Variants in AADACL4 observed in about 807,000 individuals in gnomAD.
The protein encoded by AADACL4 is arylacetamide deacetylase like 4.
In AADACL4, 9 loss-of-function variants were observed where a neutral mutation model predicts 14.1. That is an observed-to-expected ratio of 0.64 (90% confidence interval 0.39 to 1.12). The LOEUF is 1.12. AADACL4 is among the 50% of genes most tolerant of loss of function. The pLI is 0.01. For missense variants in AADACL4, 531 were observed against 516.1 expected, an observed-to-expected ratio of 1.03 and a Z score of -0.28; for synonymous variants, 188 against 201.6, an observed-to-expected ratio of 0.93 and a Z score of 0.57.
At chr1:12,663,578 C>A (rs1031385085) in intron 3 of AADACL4, among the ~76,000 whole-genome samples, 1 of 152,164 alleles carries the variant, frequency 6.6e-6, no homozygotes, top group East Asian at 1.9e-4. Flanking sequence ...GGGGGACACA[C>A]ACATTCAGTC....
At chr1:12,654,715 G>C (rs1314065642) in intron 2 of AADACL4, among the ~76,000 whole-genome samples, 1 of 152,230 alleles carries the variant, frequency 6.6e-6, no homozygotes, top group Non-Finnish European at 1.5e-5. Flanking sequence ...GGTTATGGCT[G>C]AAGGCAACCT....
rs764108264 is a variant in AADACL4 at position 12,661,887 on chromosome 1, A to C, written c.449+33A>C. ...TCTGGAGACAGCTGGTAGGTTCCACAGGGGTGAGAGGAGATAGGGTAAGTT... is the reference window on the plus strand; with the variant it reads ...TCTGGAGACAGCTGGTAGGTTCCACCGGGGTGAGAGGAGATAGGGTAAGTT... On this transcript the variant is annotated intron_variant, in intron 3 of 3. Coordinates refer to ENST00000376221, the MANE Select transcript of AADACL4 (RefSeq NM_001013630.2). The C allele has an allele frequency of 5.0e-6, 8 of 1,603,108 alleles. No homozygotes were observed. The South Asian group carries it at 5.5e-5, about 11-fold the overall frequency.
intron 3 of AADACL4, 109 bp from the exon 4 acceptor site, chr1:12,665,852 G>A (rs1203511466): frequency 8.3e-7 from 1 of 1,211,478 alleles, no homozygotes; most frequent in East Asian, 2.4e-5. Context: ...GGGTTATTCT[G>A]AGGATTTAAT....
At chr1:12,657,614 C>A (rs1399124596) in intron 2 of AADACL4, among the ~76,000 whole-genome samples, 1 of 152,164 alleles carries the variant, frequency 6.6e-6, no homozygotes, top group Non-Finnish European at 1.5e-5. Context: ...TCAAGAGAGA[C>A]ACGTGCGAGG....
At chr1:12,648,911 G>C (rs930151593) in intron 1 of AADACL4, among the ~76,000 whole-genome samples, 1 of 152,240 alleles carries the variant, frequency 6.6e-6, no homozygotes. Context: ...CCGGGGTAGC[G>C]CGATGCCTAT....
intron 2 of AADACL4, among the ~76,000 whole-genome samples, chr1:12,658,170 C>A (rs58077452): frequency 3.0e-5 from 3 of 100,896 alleles, no homozygotes; most frequent in African/African-American, 5.6e-5. Flanking sequence ...CTTTCTTTTT[C>A]TCTTTCTCTC....
chr1:12,655,487 T>C (rs1388538212), intron 2 of AADACL4, among the ~76,000 whole-genome samples: 1 of 151,560 alleles, frequency 6.6e-6, no homozygotes, highest in Non-Finnish European at 1.5e-5. Context: ...CAGTGGGCCT[T>C]CTGCTTGTAG....
At chr1:12,650,374 T>C (rs1161444578) in intron 1 of AADACL4, among the ~76,000 whole-genome samples, 1 of 152,200 alleles carries the variant, frequency 6.6e-6, no homozygotes, top group Non-Finnish European at 1.5e-5. Context: ...TTGCTCTTTT[T>C]CATTGAACAC....
At chr1:12,650,096 T>C (rs1422636521) in intron 1 of AADACL4, among the ~76,000 whole-genome samples, 1 of 152,258 alleles carries the variant, frequency 6.6e-6, no homozygotes. Context: ...TGTAAATGTC[T>C]GATAAGTATC....
intron 3 of AADACL4, among the ~76,000 whole-genome samples, chr1:12,662,185 G>C (rs989898989): frequency 9.2e-5 from 14 of 152,164 alleles, no homozygotes; most frequent in Non-Finnish European, 2.1e-4. Flanking sequence ...ATAAAACTAA[G>C]TGAAAAATGT....
intron 2 of AADACL4, 30 bp from the exon 3 acceptor site, chr1:12,661,761 G>T (rs766728790): frequency 6.2e-7 from 1 of 1,610,160 alleles, no homozygotes; most frequent in East Asian, 2.2e-5. Flanking sequence ...CTACTCATGC[G>T]CTGCTGCTCT....
chr1:12,650,596 G>A (rs1647138522), intron 1 of AADACL4, among the ~76,000 whole-genome samples: 1 of 151,008 alleles, frequency 6.6e-6, no homozygotes, highest in Non-Finnish European at 1.5e-5. Flanking sequence ...GCAGTGGTGC[G>A]ATCTCAGTTC....
intron 2 of AADACL4, among the ~76,000 whole-genome samples, chr1:12,655,421 T>C (rs966648178): frequency 2.6e-5 from 4 of 152,030 alleles, no homozygotes; most frequent in African/African-American, 9.7e-5. Context: ...TTCTCAGTTA[T>C]GGCCATTATG....
intron 3 of AADACL4, among the ~76,000 whole-genome samples, chr1:12,663,366 C>T (rs1647260373): frequency 6.6e-6 from 1 of 152,034 alleles, no homozygotes; most frequent in Non-Finnish European, 1.5e-5. Context: ...TGGTGAAGAC[C>T]CTTTTCCAGG....
chr1:12,653,452 A>G (rs1468033716), intron 2 of AADACL4, among the ~76,000 whole-genome samples: 1 of 152,232 alleles, frequency 6.6e-6, no homozygotes, highest in African/African-American at 2.4e-5. Context: ...TGGCTTCAGC[A>G]GTGACGTTAT....
At chr1:12,649,629 C>G (rs6541047) in intron 1 of AADACL4, among the ~76,000 whole-genome samples, 9,902 of 152,248 alleles carry the variant, frequency 0.065, 464 homozygotes, top group African/African-American at 0.13. Context: ...GTAGTCCGTG[C>G]AACCTCAGAC....
chr1:12,659,551 C>T (rs1014497295), intron 2 of AADACL4, among the ~76,000 whole-genome samples: 1 of 152,156 alleles, frequency 6.6e-6, no homozygotes, highest in African/African-American at 2.4e-5. Context: ...TAATGCAAAA[C>T]AATTATGATG....
rs147010243 is a variant in AADACL4 at position 12,650,554 on chromosome 1, G to A, written c.169-569G>A. 5.3e-3 allele frequency among the ~76,000 whole-genome samples: 791 copies of A among 150,082 alleles called. 5 individuals are homozygous for A. The highest frequency in any genetic ancestry group is 0.017 in the African/African-American group (700 of 40,640). ...TTTCTTTTTTTTTTTTTTTCCCCGA[G>A]ATGGAGTCTCTCTCTGTTGCCAGGC... On this transcript the variant is annotated intron_variant, in intron 1 of 3. Coordinates refer to ENST00000376221, the MANE Select transcript of AADACL4 (RefSeq NM_001013630.2).
In AADACL4 at chr1:12,648,346, A is replaced by ATCCATCCTTCCTTCCTTCCTTCCT. The variant is rs1553146865; in HGVS notation, c.169-2774_169-2773insATCCTTCCTTCCTTCCTTCCTTCC. Among the ~76,000 whole-genome samples the ATCCATCCTTCCTTCCTTCCTTCCT allele has an allele frequency of 2.8e-3, 391 of 140,590 alleles. 5 individuals are homozygous for ATCCATCCTTCCTTCCTTCCTTCCT. The highest frequency in any genetic ancestry group is 9.9e-3 in the African/African-American group (351 of 35,464). 92.2% of individuals were successfully genotyped at this position (140,590 alleles called of 152,430 possible). On this transcript the variant is annotated intron_variant, in intron 1 of 3. Coordinates refer to ENST00000376221, the MANE Select transcript of AADACL4 (RefSeq NM_001013630.2). ...AGCTATTTAAAATTCTGGACCTCAG[A>ATCCATCCTTCCTTCCTTCCTTCCT]TCCTTCCTTCCTTCCTTCCTTCCTT...
Sources: gnomAD v4.1 joint callset for allele counts (sites outside exome capture counted in the v4.1 genomes callset) on GRCh38, gnomAD v4.1.1 for gene constraint, MANE v1.5 for transcripts, NCBI Gene and HGNC (gene_info 2026-07-23, HGNC 2026-07-21) for gene names.